Variants in TMEM260 observed in about 807,000 individuals in gnomAD.
TMEM260 encodes protein O-mannosyl-transferase TMEM260.
Under a neutral mutation model 88.9 loss-of-function variants are expected in TMEM260, and 82 were observed. The observed-to-expected ratio is 0.92, with a 90% CI of 0.77 to 1.11. TMEM260 has a LOEUF of 1.11. Among genes scored for constraint, TMEM260 ranks in the 50% least tolerant of loss-of-function variants. TMEM260 has a pLI of 0.00. For synonymous variants in TMEM260, 314 were observed against 309.3 expected, an observed-to-expected ratio of 1.02 and a Z score of -0.16; for missense variants, 902 against 853.4, an observed-to-expected ratio of 1.06 and a Z score of -0.71.
chr14:56,592,208 ATG>A (rs1885909066), intron 3 of TMEM260, among the ~76,000 whole-genome samples: 1 of 152,234 alleles, frequency 6.6e-6, no homozygotes, highest in South Asian at 2.1e-4. Context: ...TTTTTCTAAA[ATG>A]TGGAAGAAAG....
intron 1 of TMEM260, among the ~76,000 whole-genome samples, chr14:56,580,431 G>A (rs1285050455): frequency 1.3e-5 from 2 of 152,178 alleles, no homozygotes; most frequent in Non-Finnish European, 2.9e-5. Context: ...TCAAACAAAA[G>A]AACAGTAGTG....
At chr14:56,657,959 T>C in the TMEM260 span, among the ~76,000 whole-genome samples, 1 of 152,312 alleles carries the variant, frequency 6.6e-6, no homozygotes, top group Admixed American at 6.5e-5. Flanking sequence ...ATTCATGCTG[T>C]CTATCTGTGG....
At chr14:56,582,683 C>A (rs543764053) in intron 1 of TMEM260, among the ~76,000 whole-genome samples, 111 of 152,130 alleles carry the variant, frequency 7.3e-4, no homozygotes, top group Non-Finnish European at 1.2e-3. Context: ...TTTTAAAAAG[C>A]AGGTTAATTC....
At chr14:56,612,699 CTTT>C (rs375397623) in intron 7 of TMEM260, 63 of 139,260 alleles carry the variant, frequency 4.5e-4, no homozygotes, top group Non-Finnish European at 5.0e-4. Context: ...TTTTCCCCAA[CTTT>C]TTTTTTTTTT....
intron 3 of TMEM260, among the ~76,000 whole-genome samples, chr14:56,587,917 C>T (rs150333409): frequency 3.8e-4 from 58 of 152,112 alleles, no homozygotes; most frequent in Middle Eastern, 3.4e-3. Context: ...TGTCAGCTGG[C>T]TTGTTACAAT....
At chr14:56,593,358 G>A (rs550740682) in intron 3 of TMEM260, 1 of 152,228 alleles carries the variant, frequency 6.6e-6, no homozygotes, top group South Asian at 2.1e-4. Context: ...CATACTATCT[G>A]TCATACTCTT....
At chr14:56,654,015 C>G (rs1020571307), downstream of TMEM260, among the ~76,000 whole-genome samples, 1 of 152,084 alleles carries the variant, frequency 6.6e-6, no homozygotes, top group African/African-American at 2.4e-5. Flanking sequence ...AATAATGCAG[C>G]CATTTTAAAA....
In TMEM260 at chr14:56,633,168, GA is replaced by G; in HGVS notation, c.1723del (p.Arg575GlyfsTer20). On this transcript the variant is annotated frameshift_variant and splice_region_variant, in exon 13 of 16. Transcript: ENST00000261556. LOFTEE classifies it high-confidence loss of function. ...KSIYNWTEEY[G>X]RFDPSSWESV... is the part of the protein sequence containing the mutation. ...ATCTATAACTGGACCGAAGAATATG[GA>G]AGGTATGAACAGCAGTTGTATTTTG... 1 of 1,610,498 alleles carries G rather than the reference GA, an allele frequency of 6.2e-7. No homozygotes were observed. Among genetic ancestry groups the G allele is most frequent in the Non-Finnish European group, 8.5e-7 (1 of 1,178,414 alleles).
chr14:56,614,191 G>C (rs987891392), intron 7 of TMEM260, among the ~76,000 whole-genome samples: 7 of 145,712 alleles, frequency 4.8e-5, no homozygotes, highest in African/African-American at 1.0e-4. Context: ...TTACCAGAGT[G>C]AGCTAACACA....
downstream of TMEM260, among the ~76,000 whole-genome samples, chr14:56,651,995 C>A (rs532664381): frequency 3.9e-5 from 6 of 152,206 alleles, no homozygotes; most frequent in African/African-American, 1.4e-4. Context: ...CTTGATATTT[C>A]TCTCAGCTAA....
At chr14:56,603,751 A>G (rs1281426641) in intron 3 of TMEM260, 64 bp from the exon 4 acceptor site, 9 of 1,595,536 alleles carry the variant, frequency 5.6e-6, no homozygotes, top group Non-Finnish European at 7.7e-6. Context: ...ACAGTTTACC[A>G]AAAGGAAAAT....
downstream of TMEM260, among the ~76,000 whole-genome samples, chr14:56,653,057 G>C (rs1375469654): frequency 6.6e-6 from 1 of 152,164 alleles, no homozygotes; most frequent in Non-Finnish European, 1.5e-5. Flanking sequence ...ACTTTGGGAG[G>C]CCAAGGCAGG....
intron 3 of TMEM260, among the ~76,000 whole-genome samples, chr14:56,603,168 A>G (rs1886679994): frequency 6.6e-6 from 1 of 152,102 alleles, no homozygotes; most frequent in Non-Finnish European, 1.5e-5. Context: ...TGAGTGTAGC[A>G]TCTGATTCTT....
At chr14:56,636,452 C>A in intron 14 of TMEM260, 56 bp from the exon 15 acceptor site, 2 of 1,387,174 alleles carry the variant, frequency 1.4e-6, no homozygotes, top group Non-Finnish European at 2.1e-6. Context: ...TTTAGCTAGC[C>A]CTGAATGTGC....
chr14:56,601,362 A>C (rs1886563947), intron 3 of TMEM260, among the ~76,000 whole-genome samples: 1 of 152,128 alleles, frequency 6.6e-6, no homozygotes, highest in Non-Finnish European at 1.5e-5. Flanking sequence ...TTCTGCAGGA[A>C]TGTTATAGAA....
chr14:56,601,102 A>G (rs923640412), intron 3 of TMEM260, among the ~76,000 whole-genome samples: 59 of 152,324 alleles, frequency 3.9e-4, no homozygotes, highest in African/African-American at 1.3e-3. Flanking sequence ...AGGTAACCAG[A>G]TAAATGTTAT....
chr14:56,599,602 A>C (rs1220410766), intron 3 of TMEM260, among the ~76,000 whole-genome samples: 2 of 152,190 alleles, frequency 1.3e-5, no homozygotes, highest in Non-Finnish European at 2.9e-5. Context: ...TTTAAAAAAA[A>C]TTTGTATTAG....
chr14:56,597,498 A>G (rs1357635361), intron 3 of TMEM260, among the ~76,000 whole-genome samples: 1 of 152,168 alleles, frequency 6.6e-6, no homozygotes, highest in African/African-American at 2.4e-5. Context: ...ATGAAACATA[A>G]AGTTTGATGT....
intron 8 of TMEM260, among the ~76,000 whole-genome samples, chr14:56,616,459 G>A (rs1001365898): frequency 6.6e-6 from 1 of 151,890 alleles, no homozygotes; most frequent in Non-Finnish European, 1.5e-5. Flanking sequence ...GTATGTAAAT[G>A]TATATTTGTA....
Sources: gnomAD v4.1 joint callset for allele counts (sites outside exome capture counted in the v4.1 genomes callset) on GRCh38, gnomAD v4.1.1 for gene constraint, MANE v1.5 for transcripts, NCBI Gene and HGNC (gene_info 2026-07-23, HGNC 2026-07-21) for gene names.